F13A1: variants seen among roughly 807,000 people sequenced by gnomAD.
F13A1 encodes the protein coagulation factor XIII A chain.
In F13A1, 47 loss-of-function variants were observed where a neutral mutation model predicts 80.1. The observed-to-expected ratio is 0.59, with a 90% confidence interval of 0.46 to 0.75. The LOEUF is 0.75. Ranked by LOEUF, F13A1 falls within the 30% of genes least tolerant of loss-of-function variation. The pLI is 0.00. For synonymous variants in F13A1, 349 were observed against 344.9 expected, an observed-to-expected ratio of 1.01 and a Z score of -0.13; for missense variants, 817 against 930.4, an observed-to-expected ratio of 0.88 and a Z score of 1.59.
rs1561666002 is a variant in F13A1 at position 6,243,425 on chromosome 6, C to T, written c.798+4887G>A. On this transcript the variant is annotated intron_variant, in intron 6 of 14. Transcript: ENST00000264870. The surrounding 1 kb of genome is among the most constrained non-coding windows in gnomAD (Gnocchi z 4.2). The stretch of plus-strand genomic sequence containing the variant: ...TGGTACCTGATCGTCTTTGGAAGCT[C>T]ATTCTCCAGGGCCCCAGTGCCTATG... 6.6e-6 allele frequency among the ~76,000 whole-genome samples: 1 copy of T among 152,190 alleles called. No homozygotes were observed. The highest frequency in any genetic ancestry group is 1.5e-5 in the Non-Finnish European group (1 of 68,028).
chr6:6,288,257 T>A, intron 3 of F13A1, among the ~76,000 whole-genome samples: 1 of 152,214 alleles, frequency 6.6e-6, no homozygotes, highest in East Asian at 1.9e-4. Flanking sequence ...ATGCAGTAGA[T>A]CACTAAAACT....
rs1760595653 is a variant in F13A1, at chr6:6,162,646, A to G, written c.1908+4812T>C. On this transcript the variant is annotated intron_variant, in intron 13 of 14. Coordinates refer to ENST00000264870, the MANE Select transcript of F13A1 (RefSeq NM_000129.4). The surrounding 1 kb of genome is among the most constrained non-coding windows in gnomAD (Gnocchi z 4.2). ...ACGGGCCAGTTACTAATAAACAGCA[A>G]TAATGGCAATAATAGCAGCAACCAA... is the stretch of plus-strand genomic sequence containing the variant. 6.6e-6 allele frequency among the ~76,000 whole-genome samples: 1 copy of G among 152,212 alleles called. No individual in the cohort carries two copies.
At chr6:6,307,381 G>C (rs1201725388) in intron 2 of F13A1, among the ~76,000 whole-genome samples, 1 of 152,102 alleles carries the variant, frequency 6.6e-6, no homozygotes, top group African/African-American at 2.4e-5. Context: ...TAATTCTCTA[G>C]ACCTCTCTAT....
At chr6:6,306,507 G>T (rs1758514513) in intron 2 of F13A1, among the ~76,000 whole-genome samples, 1 of 152,246 alleles carries the variant, frequency 6.6e-6, no homozygotes, top group Admixed American at 6.5e-5. Flanking sequence ...ATGAAAGTCA[G>T]CTCTCTTCCT....
At chr6:6,231,066 C>G (rs534878308) in intron 6 of F13A1, among the ~76,000 whole-genome samples, 13 of 151,938 alleles carry the variant, frequency 8.6e-5, no homozygotes, top group African/African-American at 3.1e-4. Flanking sequence ...TGGATCCAAA[C>G]AAAGAAGAAA....
At chr6:6,235,906 C>T (rs964303688) in intron 6 of F13A1, among the ~76,000 whole-genome samples, 1 of 151,998 alleles carries the variant, frequency 6.6e-6, no homozygotes, top group Non-Finnish European at 1.5e-5. Flanking sequence ...TGTCCATCCA[C>T]AAGTAAATAC....
intron 3 of F13A1, among the ~76,000 whole-genome samples, chr6:6,291,570 G>A (rs1240075264): frequency 6.6e-6 from 1 of 152,094 alleles, no homozygotes; most frequent in East Asian, 1.9e-4. Flanking sequence ...ACTCCAGTGG[G>A]AAGTTCCTAT....
intron 3 of F13A1, among the ~76,000 whole-genome samples, chr6:6,283,741 G>T (rs1050724985): frequency 2.0e-5 from 3 of 151,816 alleles, no homozygotes; most frequent in Non-Finnish European, 2.9e-5. Flanking sequence ...CGAACTTTGT[G>T]TGGAGCACCA....
intron 3 of F13A1, among the ~76,000 whole-genome samples, chr6:6,294,672 C>T (rs918171897): frequency 2.0e-5 from 3 of 151,454 alleles, no homozygotes; most frequent in African/African-American, 7.3e-5. Context: ...GTTGGTAAGT[C>T]TCTTGTTATA....
chr6:6,208,210 C>A (rs1761528072), intron 8 of F13A1, among the ~76,000 whole-genome samples: 1 of 151,914 alleles, frequency 6.6e-6, no homozygotes, highest in African/African-American at 2.4e-5. Context: ...TGAAAAGGAA[C>A]CAAATAGAAA....
chr6:6,169,973 C>T (rs1323365754), intron 12 of F13A1, among the ~76,000 whole-genome samples: 2 of 152,118 alleles, frequency 1.3e-5, no homozygotes, highest in Non-Finnish European at 1.5e-5. Context: ...TTGGAATGAC[C>T]CGCTCTCGTA....
At chr6:6,279,338 G>C (rs1758030586) in intron 3 of F13A1, among the ~76,000 whole-genome samples, 1 of 152,108 alleles carries the variant, frequency 6.6e-6, no homozygotes, top group South Asian at 2.1e-4. Flanking sequence ...ATAGGATGTT[G>C]GTGTCACAAT....
intron 3 of F13A1, among the ~76,000 whole-genome samples, chr6:6,285,101 T>C (rs1758117622): frequency 6.6e-6 from 1 of 152,028 alleles, no homozygotes; most frequent in Non-Finnish European, 1.5e-5. Flanking sequence ...AAAAATAAAT[T>C]AGCTAGGCCT....
intron 14 of F13A1, among the ~76,000 whole-genome samples, chr6:6,150,564 G>T (rs1760356431): frequency 6.6e-6 from 1 of 152,228 alleles, no homozygotes; most frequent in Non-Finnish European, 1.5e-5. Flanking sequence ...AGTTGCCCCA[G>T]AGGGTATAAG....
intron 10 of F13A1, among the ~76,000 whole-genome samples, chr6:6,188,093 G>A (rs1246141125): frequency 1.3e-5 from 2 of 151,798 alleles, no homozygotes; most frequent in Non-Finnish European, 2.9e-5. Flanking sequence ...TTTTTATTGT[G>A]TCTATTTGAT....
At chr6:6,290,596 C>T (rs774661523) in intron 3 of F13A1, among the ~76,000 whole-genome samples, 2 of 152,176 alleles carry the variant, frequency 1.3e-5, no homozygotes, top group Non-Finnish European at 2.9e-5. Flanking sequence ...CAAAACACAG[C>T]ATGATCCAAC....
At chr6:6,231,610 C>T (rs932044325) in intron 6 of F13A1, among the ~76,000 whole-genome samples, 1 of 152,140 alleles carries the variant, frequency 6.6e-6, no homozygotes, top group Non-Finnish European at 1.5e-5. Flanking sequence ...AGATCTTTGC[C>T]TAGGCACATT....
In F13A1 at chr6:6,250,661, C is replaced by T. The variant is rs547047749; in HGVS notation, c.690+150G>A. 7.9e-5 allele frequency: 52 copies of T among 658,686 alleles called. 1 individual carries two copies. In the Admixed American group the frequency reaches 8.7e-4, roughly 11 times the overall value. 40.8% of individuals were successfully genotyped at this position (658,686 alleles called of 1,614,324 possible). ...ACGCAGTTGTCTTTATGAGTCCCTA[C>T]TCCTATGCTCTCTGCCTTGGAGTCT... On this transcript the variant is annotated intron_variant, in intron 5 of 14. Coordinates refer to ENST00000264870, the MANE Select transcript of F13A1 (RefSeq NM_000129.4). The surrounding 1 kb of genome is among the most constrained non-coding windows in gnomAD (Gnocchi z 4.2).
At chr6:6,241,200 A>C (rs1757479807) in intron 6 of F13A1, among the ~76,000 whole-genome samples, 1 of 152,240 alleles carries the variant, frequency 6.6e-6, no homozygotes, top group Admixed American at 6.5e-5. Context: ...CTCTGGATGG[A>C]GACTCAAGTC....
Sources: gnomAD v4.1 joint callset for allele counts (sites outside exome capture counted in the v4.1 genomes callset) on GRCh38, gnomAD v4.1.1 for gene constraint, Gnocchi (gnomAD v3.1) non-coding constraint, MANE v1.5 for transcripts, NCBI Gene and HGNC (gene_info 2026-07-23, HGNC 2026-07-21) for gene names.